Variants in AKAP9 observed in about 807,000 individuals in gnomAD.
AKAP9 encodes the protein A-kinase anchoring protein 9.
In AKAP9, 311 loss-of-function variants were observed where a neutral mutation model predicts 488.5. The ratio of observed to expected loss-of-function variants is 0.64; its 90% CI spans 0.58 to 0.70. AKAP9 has a LOEUF of 0.70. AKAP9 is among the 30% of genes least tolerant of loss of function. AKAP9 has a pLI of 0.00. For synonymous variants in AKAP9, 1,462 were observed against 1,483.5 expected, an observed-to-expected ratio of 0.99 and a Z score of 0.33; for missense variants, 4,215 against 4,374.5, an observed-to-expected ratio of 0.96 and a Z score of 1.03.
intron 12 of AKAP9, among the ~76,000 whole-genome samples, chr7:92,019,687 T>G (rs7786031): frequency 0.41 from 62,648 of 150,978 alleles, 13,468 homozygotes; most frequent in African/African-American, 0.51. Flanking sequence ...ATAGTTTTCC[T>G]TGGCAACATT....
At chr7:92,063,125 G>A (rs75880675) in intron 24 of AKAP9, among the ~76,000 whole-genome samples, 2 of 152,172 alleles carry the variant, frequency 1.3e-5, no homozygotes, top group Non-Finnish European at 2.9e-5. Context: ...TATATTACAC[G>A]TGCAGTTGGA....
At chr7:92,045,433 A>T (rs1201684012) in intron 21 of AKAP9, among the ~76,000 whole-genome samples, 2 of 152,206 alleles carry the variant, frequency 1.3e-5, no homozygotes, top group African/African-American at 4.8e-5. Flanking sequence ...CAGGGTTGCC[A>T]CAGTGCCTAC....
At chr7:91,967,131 T>C (rs1794521804) in intron 1 of AKAP9, among the ~76,000 whole-genome samples, 1 of 152,182 alleles carries the variant, frequency 6.6e-6, no homozygotes, top group African/African-American at 2.4e-5. Context: ...TTGCTGTTGG[T>C]ATATATAATT....
At position 92,066,518 on chromosome 7, in the gene AKAP9, A is replaced by G. The variant is rs201545032; in HGVS notation, c.6302A>G (p.Gln2101Arg). ...CAACTTAAGGTTGTTCCTCGATTCC[A>G]GCCTATCAGTGAACATCAAACTAGA... Reference protein sequence around the residue: ...EQQLKVVPRFQPISEHQTREV... With the variant: ...EQQLKVVPRFRPISEHQTREV... The change falls in exon 26 of 50, where the codon CAG becomes CGG. Residue 2101 changes from glutamine (Q) to arginine (R), a missense_variant. Gln to Arg is a conservative substitution (Grantham distance 43). Around this residue, in one of 5 missense-constraint regions of AKAP9, gnomAD observed 2,361 missense variants for 2,430.0 expected, o/e 0.97. Coordinates refer to ENST00000356239, the MANE Select transcript of AKAP9 (RefSeq NM_005751.5). The G allele has an allele frequency of 5.0e-6, 8 of 1,613,452 alleles. No individual in the cohort carries two copies. Among genetic ancestry groups the G allele is most frequent in the Non-Finnish European group, 6.8e-6 (8 of 1,179,630 alleles).
chr7:91,961,094 A>G (rs17164275), intron 1 of AKAP9, among the ~76,000 whole-genome samples: 60,398 of 152,010 alleles, frequency 0.4, 12,287 homozygotes, highest in African/African-American at 0.45. Context: ...CACATAATGA[A>G]CAATGAACAC....
intron 3 of AKAP9, among the ~76,000 whole-genome samples, chr7:91,987,893 C>T (rs528045020): frequency 2.1e-4 from 32 of 152,042 alleles, no homozygotes; most frequent in African/African-American, 6.8e-4. Flanking sequence ...ATTTATTGGC[C>T]GGGCATAGTA....
At position 92,062,451 on chromosome 7, in the gene AKAP9, A is replaced by G. The variant is rs773012968; in HGVS notation, c.5942A>G (p.Glu1981Gly). The change falls in exon 24 of 50, where the codon GAA becomes GGA. Residue 1981 changes from glutamate to glycine, a missense_variant. Physicochemically the swap from Glu to Gly is moderately conservative, Grantham distance 98. This residue lies in a region of AKAP9 where 2,361 missense variants were observed against 2,430.0 expected (regional missense o/e 0.97). Coordinates refer to ENST00000356239, the MANE Select transcript of AKAP9 (RefSeq NM_005751.5). ...AGAGAATTACTGTCCAGACAAAAGG[A>G]AGCTATGAAAGCAGAGGCAGGCCCA... Reference protein sequence around the residue: ...EERELLSRQKEAMKAEAGPVE... With the variant: ...EERELLSRQKGAMKAEAGPVE... 6.2e-7 allele frequency: 1 copy of G among 1,613,674 alleles called. No individual in the cohort carries two copies. The highest frequency in any genetic ancestry group is 1.1e-5 in the South Asian group (1 of 91,084).
chr7:92,008,311 G>A (rs1800205157), intron 8 of AKAP9, among the ~76,000 whole-genome samples: 1 of 152,006 alleles, frequency 6.6e-6, no homozygotes, highest in African/African-American at 2.4e-5. Flanking sequence ...AGGTTGCAGT[G>A]AGCCGAGATC....
At chr7:92,071,746 A>G (rs1811767239) in intron 28 of AKAP9, among the ~76,000 whole-genome samples, 1 of 152,192 alleles carries the variant, frequency 6.6e-6, no homozygotes, top group African/African-American at 2.4e-5. Flanking sequence ...AAGACTTACT[A>G]TATTTTAACA....
At chr7:92,056,035 A>G (rs1162287982) in intron 22 of AKAP9, among the ~76,000 whole-genome samples, 1 of 151,316 alleles carries the variant, frequency 6.6e-6, no homozygotes, top group Non-Finnish European at 1.5e-5. Flanking sequence ...CAATAATTTC[A>G]GTTATTTTAA....
chr7:92,071,845 G>A (rs1438345469), intron 28 of AKAP9, among the ~76,000 whole-genome samples: 1 of 152,052 alleles, frequency 6.6e-6, no homozygotes, highest in African/African-American at 2.4e-5. Flanking sequence ...GTAGATTAGA[G>A]GAGAAAAAAG....
chr7:92,082,540 C>T lies in AKAP9; in HGVS notation c.8038C>T (p.His2680Tyr), dbSNP rs1437706153. Residue 2680 changes from histidine (H) to tyrosine (Y), a missense_variant, in exon 32 of 50, where the codon CAT (histidine) becomes TAT (tyrosine). This residue lies in a region of AKAP9 where 1,476 missense variants were observed against 1,477.4 expected (regional missense o/e 1.00). Transcript: ENST00000356239. ...EVLKTTTELF[H>Y]SNEESGFFNE... Reference sequence around the variant, plus strand: ...CATTCAGACAACTACTGAGCTATTTCATAGCAATGAAGAAAGTGGATTTTT... The same window carrying T: ...CATTCAGACAACTACTGAGCTATTTTATAGCAATGAAGAAAGTGGATTTTT... 1 of 1,613,634 alleles carries T rather than the reference C, an allele frequency of 6.2e-7. No homozygotes were observed. Among genetic ancestry groups the T allele is most frequent in the Non-Finnish European group, 8.5e-7 (1 of 1,179,742 alleles).
chr7:91,983,909 T>C (rs1031477668), intron 3 of AKAP9, among the ~76,000 whole-genome samples: 11 of 152,242 alleles, frequency 7.2e-5, no homozygotes, highest in African/African-American at 2.4e-4. Flanking sequence ...CATTTTTTCA[T>C]GTGTCTGTTG....
Position 92,001,523 on chromosome 7 carries a change from G to T in AKAP9, c.1606G>T (p.Glu536Ter), listed in dbSNP as rs957755049. 6.2e-7 allele frequency: 1 copy of T among 1,613,888 alleles called. No homozygotes were observed. The highest frequency in any genetic ancestry group is 8.5e-7 in the Non-Finnish European group (1 of 1,179,864). ...GAGACAGCTTGAAGACCTTGTTGAA[G>T]AATTGAGCTTTTCAAGGGAACAGAT... ...LQRQLEDLVE[E>*]LSFSREQIQR... The change falls in exon 8 of 50, where the codon GAA (glutamate) becomes TAA (stop). Residue 536 changes from glutamate to a stop codon, truncating the protein, a stop_gained. Transcript: ENST00000356239. LOFTEE classifies it high-confidence loss of function.
chr7:92,022,389 A>G lies in AKAP9; in HGVS notation c.3952+37A>G, dbSNP rs375937133. ...TCATATACCACAATGTGGTGTTTTT[A>G]TAGCAAATATTGAGTAATTTGCTTT... On this transcript the variant is annotated intron_variant, in intron 13 of 49. Coordinates refer to ENST00000356239, the MANE Select transcript of AKAP9 (RefSeq NM_005751.5). 1.0e-5 allele frequency: 14 copies of G among 1,395,678 alleles called. No individual in the cohort carries two copies. The South Asian group carries it at 1.0e-4, about 10-fold the overall frequency. 86.5% of individuals were successfully genotyped at this position (1,395,678 alleles called of 1,614,324 possible).
At chr7:92,072,164 T>C (rs960736415) in intron 28 of AKAP9, among the ~76,000 whole-genome samples, 5 of 152,210 alleles carry the variant, frequency 3.3e-5, no homozygotes, top group South Asian at 4.1e-4. Context: ...ACTGATTTTA[T>C]ATTTTTATTA....
Position 92,102,722 on chromosome 7 carries a change from G to A in AKAP9, c.11226G>A (p.Arg3742=), listed in dbSNP as rs745703767. ...CEDATLALLA[R]MGGQPAFTDL... ...ATGCCACCTTGGCCCTGCTTGCCCG[G>A]ATGGGGGGGCAGCCAGCTTTCACGG... Residue 3742 remains arginine, a synonymous_variant, in exon 46 of 50, where the codon CGG becomes CGA. Coordinates refer to ENST00000356239, the MANE Select transcript of AKAP9 (RefSeq NM_005751.5). 1.2e-6 allele frequency: 2 copies of A among 1,614,090 alleles called. No homozygotes were observed. The highest frequency in any genetic ancestry group is 1.7e-5 in the Admixed American group (1 of 60,004).
At chr7:91,957,455 AT>A (rs918435112) in intron 1 of AKAP9, among the ~76,000 whole-genome samples, 41 of 152,334 alleles carry the variant, frequency 2.7e-4, no homozygotes, top group African/African-American at 9.1e-4. Context: ...ATCTTGGCAT[AT>A]CTAATCCTAT....
rs10264979 is a variant in AKAP9, at chr7:91,973,690, G to A, written c.49-21G>A. The A allele has an allele frequency of 4.5e-3, 7,329 of 1,611,150 alleles. 315 individuals carry two copies. The African/African-American group carries it at 0.086, about 19-fold the overall frequency. ...AAGAAAAATTATCTTTGACAATAACGGTTATTTTCTTTTTTCTTAGCTTGC... is the reference window on the plus strand; with the variant it reads ...AAGAAAAATTATCTTTGACAATAACAGTTATTTTCTTTTTTCTTAGCTTGC... On this transcript the variant is annotated intron_variant, in intron 1 of 49. Transcript: ENST00000356239.
Sources: gnomAD v4.1 joint callset for allele counts (sites outside exome capture counted in the v4.1 genomes callset) on GRCh38, gnomAD v4.1.1 for gene constraint, gnomAD v4.1.1 regional missense constraint, MANE v1.5 for transcripts, NCBI Gene and HGNC (gene_info 2026-07-23, HGNC 2026-07-21) for gene names.